ACCSL: variants seen among roughly 807,000 people sequenced by gnomAD.
ACCSL encodes 1-aminocyclopropane-1-carboxylate synthase homolog (inactive) like.
In ACCSL, 55 loss-of-function variants were observed where a neutral mutation model predicts 61.7. That is an observed-to-expected ratio of 0.89 (90% CI 0.72 to 1.12). ACCSL has a LOEUF of 1.12. Among genes scored for constraint, ACCSL ranks in the 50% most tolerant of loss-of-function variants. ACCSL has a pLI of 0.00. For missense variants in ACCSL, 632 were observed against 698.0 expected, an observed-to-expected ratio of 0.91 and a Z score of 1.07; for synonymous variants, 258 against 264.3, an observed-to-expected ratio of 0.98 and a Z score of 0.23.
chr11:44,042,418 G>A, the ACCSL span, among the ~76,000 whole-genome samples: 3 of 152,092 alleles, frequency 2.0e-5, no homozygotes, highest in African/African-American at 7.2e-5. Flanking sequence ...AGATTGAAGT[G>A]TAGCCATAGA....
At chr11:44,030,385 G>GA in the ACCSL span, among the ~76,000 whole-genome samples, 31 of 151,332 alleles carry the variant, frequency 2.0e-4, no homozygotes, top group East Asian at 3.4e-3. Flanking sequence ...CAGAAGCCTA[G>GA]GCCCCCTCCC....
At chr11:43,954,969 C>T in the ACCSL span, among the ~76,000 whole-genome samples, 1 of 152,208 alleles carries the variant, frequency 6.6e-6, no homozygotes, top group Admixed American at 6.5e-5. Context: ...AAGCTTCCAG[C>T]TTGCTTATCT....
the ACCSL span, chr11:43,943,721 G>A: frequency 1.5e-6 from 2 of 1,304,432 alleles, no homozygotes; most frequent in South Asian, 2.5e-5. The surrounding 1 kb of genome is among the most constrained non-coding windows in gnomAD (Gnocchi z 4.8). Context: ...AGGCGTGGCC[G>A]TTGGGACTTT....
chr11:43,983,699 G>T, the ACCSL span, among the ~76,000 whole-genome samples: 1 of 134,098 alleles, frequency 7.5e-6, no homozygotes, highest in Non-Finnish European at 1.6e-5. Context: ...ACCTGGTTTG[G>T]ATTCCAGCTC....
At chr11:44,028,411 A>G in the ACCSL span, among the ~76,000 whole-genome samples, 2 of 152,156 alleles carry the variant, frequency 1.3e-5, no homozygotes, top group Non-Finnish European at 2.9e-5. Context: ...GCTGTGCTGT[A>G]TGGTGGCCAC....
At chr11:43,929,150 C>T in the ACCSL span, among the ~76,000 whole-genome samples, 1 of 152,174 alleles carries the variant, frequency 6.6e-6, no homozygotes, top group Non-Finnish European at 1.5e-5. Context: ...GTCTCAGTAC[C>T]GGCAGCTATT....
At chr11:43,956,613 G>A in the ACCSL span, among the ~76,000 whole-genome samples, 216 of 152,236 alleles carry the variant, frequency 1.4e-3, 1 homozygote, top group Non-Finnish European at 2.2e-3. Flanking sequence ...TAGAGACAGG[G>A]CTTCACTGTG....
the ACCSL span, among the ~76,000 whole-genome samples, chr11:43,984,293 G>GA: frequency 2.2e-3 from 326 of 151,156 alleles, 2 homozygotes; most frequent in African/African-American, 7.2e-3. Context: ...TAGGTTGTAA[G>GA]AAAAAAAAAT....
At chr11:44,010,059 A>G in the ACCSL span, among the ~76,000 whole-genome samples, 3 of 152,158 alleles carry the variant, frequency 2.0e-5, no homozygotes, top group Non-Finnish European at 2.9e-5. Context: ...GTCACCTCTC[A>G]GCTGTGTGCA....
At chr11:44,006,305 G>A in the ACCSL span, among the ~76,000 whole-genome samples, 1 of 151,886 alleles carries the variant, frequency 6.6e-6, no homozygotes, top group African/African-American at 2.4e-5. Flanking sequence ...TTCCTTGTGG[G>A]ATGGAGGAGC....
chr11:43,979,846 C>CAAAAAAAAAAAAAAA, the ACCSL span, among the ~76,000 whole-genome samples: 5 of 50,790 alleles, frequency 9.8e-5, no homozygotes, highest in Non-Finnish European at 2.2e-4. Context: ...GACTCTGTCT[C>CAAAAAAAAAAAAAAA]AAAAAAAAAA....
At chr11:43,938,830 TGAA>T in the ACCSL span, among the ~76,000 whole-genome samples, 46 of 152,184 alleles carry the variant, frequency 3.0e-4, no homozygotes, top group Non-Finnish European at 4.4e-5. Context: ...ATAAATAAAA[TGAA>T]GGCTATCCTA....
chr11:44,010,569 C>T, the ACCSL span, among the ~76,000 whole-genome samples: 1 of 152,224 alleles, frequency 6.6e-6, no homozygotes, highest in South Asian at 2.1e-4. Flanking sequence ...TCTCCCCTCT[C>T]TCTTGAGCTC....
chr11:43,956,402 T>C, the ACCSL span, among the ~76,000 whole-genome samples: 1 of 151,298 alleles, frequency 6.6e-6, no homozygotes, highest in Non-Finnish European at 1.5e-5. Flanking sequence ...GGTCTCTTTC[T>C]GTCATAATTT....
the ACCSL span, among the ~76,000 whole-genome samples, chr11:43,997,879 C>T: frequency 3.3e-5 from 5 of 152,180 alleles, no homozygotes; most frequent in Admixed American, 2.6e-4. Context: ...GAGAATGTCT[C>T]CCTCCTCCAG....
chr11:43,953,276 A>G, the ACCSL span, among the ~76,000 whole-genome samples: 3 of 152,134 alleles, frequency 2.0e-5, no homozygotes, highest in African/African-American at 7.2e-5. Flanking sequence ...GCACTTTGGG[A>G]TGCCAAGGTG....
chr11:43,956,122 G>C, the ACCSL span, among the ~76,000 whole-genome samples: 1 of 150,108 alleles, frequency 6.7e-6, no homozygotes, highest in Non-Finnish European at 1.5e-5. Context: ...ATGAGGTACA[G>C]AAATCGGAAG....
chr11:44,015,004 G>C, the ACCSL span, among the ~76,000 whole-genome samples: 1 of 152,206 alleles, frequency 6.6e-6, no homozygotes, highest in Non-Finnish European at 1.5e-5. Context: ...CACATGCAGG[G>C]GCACCCAGGA....
intron 2 of ACCSL, 73 bp downstream of exon 2, chr11:44,050,194 G>A (rs1952627848): frequency 8.0e-7 from 1 of 1,247,770 alleles, no homozygotes. Flanking sequence ...CCTGAGCTAT[G>A]GTAGATACAG....
Sources: gnomAD v4.1 joint callset for allele counts (sites outside exome capture counted in the v4.1 genomes callset) on GRCh38, gnomAD v4.1.1 for gene constraint, Gnocchi (gnomAD v3.1) non-coding constraint, MANE v1.5 for transcripts, NCBI Gene and HGNC (gene_info 2026-07-23, HGNC 2026-07-21) for gene names.